The following VPS16 variants were observed in gnomAD, a reference collection of about 807,000 sequenced individuals.
VPS16 encodes vacuolar protein sorting-associated protein 16 homolog.
VPS16 carries 82 observed loss-of-function variants against 116.0 expected under a neutral mutation model. The observed-to-expected ratio is 0.71, with a 90% CI of 0.59 to 0.85. The LOEUF is 0.85. Ranked by LOEUF, VPS16 falls within the 40% of genes least tolerant of loss-of-function variation. The pLI is 0.00. For synonymous variants in VPS16, 406 were observed against 420.7 expected, an observed-to-expected ratio of 0.96 and a Z score of 0.43; for missense variants, 928 against 1,090.6, an observed-to-expected ratio of 0.85 and a Z score of 2.10.
chr20:2,862,973 G>C lies in VPS16; in HGVS notation c.1331+39G>C, dbSNP rs775412396. 1.9e-5 allele frequency: 30 copies of C among 1,613,628 alleles called. No individual in the cohort carries two copies. The South Asian group carries it at 2.9e-4, about 15-fold the overall frequency. On this transcript the variant is annotated intron_variant, in intron 13 of 23. Transcript: ENST00000380445. Reference sequence around the variant, plus strand: ...CGCCAGAAGGGTACCCTACAGCCAGGGGTGGCAGGGGAAGGGGCTGGAGAT... The same window carrying C: ...CGCCAGAAGGGTACCCTACAGCCAGCGGTGGCAGGGGAAGGGGCTGGAGAT...
At chr20:2,862,459 G>A in intron 11 of VPS16, 120 bp from the exon 12 acceptor site, 2 of 1,497,426 alleles carry the variant, frequency 1.3e-6, no homozygotes, top group Non-Finnish European at 1.8e-6. Context: ...GGGAGTTGGG[G>A]CTCCAGCCTG....
chr20:2,843,627 T>C (rs968176195), intron 1 of VPS16, among the ~76,000 whole-genome samples: 7 of 152,232 alleles, frequency 4.6e-5, no homozygotes, highest in Admixed American at 4.6e-4. Flanking sequence ...TTTTAAAATA[T>C]CAACTTTACT....
chr20:2,856,151 G>A (rs2089169652), intron 1 of VPS16, among the ~76,000 whole-genome samples: 1 of 152,108 alleles, frequency 6.6e-6, no homozygotes, highest in Non-Finnish European at 1.5e-5. Flanking sequence ...TTTTTAATTA[G>A]CCTAATTTCT....
Position 2,865,930 on chromosome 20 carries a change from G to A in VPS16, c.2272-282G>A. On this transcript the variant is annotated intron_variant, in intron 22 of 23. Coordinates refer to ENST00000380445, the MANE Select transcript of VPS16 (RefSeq NM_022575.4). This position sits in a 1 kb window ranked among gnomAD's most constrained non-coding sequence, Gnocchi z 5.2. ...GAACACAGGAAATGTGAGGGCTGGT[G>A]GCAGGAACGCCTGTTGCAAGGGGTA... 2.0e-6 allele frequency: 1 copy of A among 505,704 alleles called. No homozygotes were observed. Among genetic ancestry groups the A allele is most frequent in the Middle Eastern group, 5.5e-4 (1 of 1,822 alleles). 31.3% of individuals were successfully genotyped at this position (505,704 alleles called of 1,614,324 possible). A position where few individuals can be genotyped will look rare whatever the true frequency, so the allele number is the denominator to read the frequency against.
chr20:2,843,025 A>C (rs1457699380), intron 1 of VPS16, among the ~76,000 whole-genome samples: 1 of 152,096 alleles, frequency 6.6e-6, no homozygotes, highest in Non-Finnish European at 1.5e-5. Flanking sequence ...TAAAACTTTT[A>C]AATGTAATTT....
Position 2,866,453 on chromosome 20 carries a change from T to C in VPS16, c.2399T>C (p.Val800Ala). Reference protein sequence around the residue: ...LVGDVAQAADVAIEHRNEAEL... With the variant: ...LVGDVAQAADAAIEHRNEAEL... ...AGCGATGTGGCTCAGGCTGCAGATG[T>C]GGCCATCGAACACCGGAATGAGGCT... Residue 800 changes from valine to alanine, a missense_variant, in exon 24 of 24, where the codon GTG becomes GCG. Physicochemically the swap from Val to Ala is moderately conservative, Grantham distance 64. Transcript: ENST00000380445. The C allele has an allele frequency of 6.2e-7, 1 of 1,614,162 alleles. No homozygotes were observed. The highest frequency in any genetic ancestry group is 1.1e-5 in the South Asian group (1 of 91,080).
Position 2,860,591 on chromosome 20 carries a change from C to T in VPS16, c.512C>T (p.Pro171Leu). The part of the protein sequence containing the change: ...DLKLRRMPEV[P>L]GLQSAPSCWT... Reference sequence around the variant, plus strand: ...AAACTCCGCCGGATGCCAGAGGTGCCAGGTAAGCCCTGACACCGCTGAGAT... The same window carrying T: ...AAACTCCGCCGGATGCCAGAGGTGCTAGGTAAGCCCTGACACCGCTGAGAT... Residue 171 changes from proline to leucine, a missense_variant and splice_region_variant, in exon 5 of 24, where the codon CCA becomes CTA. Physicochemically the swap from Pro to Leu is moderately conservative, Grantham distance 98. Coordinates refer to ENST00000380445, the MANE Select transcript of VPS16 (RefSeq NM_022575.4). The surrounding 1 kb of genome is among the most constrained non-coding windows in gnomAD (Gnocchi z 6.1). The T allele has an allele frequency of 6.2e-7, 1 of 1,613,658 alleles. No homozygotes were observed.
chr20:2,862,759 G>GGGGGGGGGGGA, intron 12 of VPS16, 48 bp from the exon 13 acceptor site: 1 of 777,206 alleles, frequency 1.3e-6, no homozygotes, highest in Non-Finnish European at 2.1e-6. Flanking sequence ...GAGGGGGTGG[G>GGGGGGGGGGGA]ATGGGCAGCA....
chr20:2,845,768 A>G (rs928401188), intron 1 of VPS16, among the ~76,000 whole-genome samples: 1 of 151,592 alleles, frequency 6.6e-6, no homozygotes, highest in Non-Finnish European at 1.5e-5. Flanking sequence ...ACAACTCCCC[A>G]TTTCCTCCTC....
rs750792929 is a variant in VPS16 at position 2,864,512 on chromosome 20, G to C, written c.1819-35G>C. The C allele has an allele frequency of 6.2e-7, 1 of 1,613,914 alleles. No individual in the cohort carries two copies. The highest frequency in any genetic ancestry group is 1.3e-5 in the African/African-American group (1 of 74,892). ...GTGTAGCCTTCTGAGCACTTGAGTTGGCCTTGCTGACTGATTGCCTGCCTG... is the reference window on the plus strand; with the variant it reads ...GTGTAGCCTTCTGAGCACTTGAGTTCGCCTTGCTGACTGATTGCCTGCCTG... On this transcript the variant is annotated intron_variant, in intron 18 of 23. Coordinates refer to ENST00000380445, the MANE Select transcript of VPS16 (RefSeq NM_022575.4). This position sits in a 1 kb window ranked among gnomAD's most constrained non-coding sequence, Gnocchi z 5.2.
rs1329527091 is a variant in VPS16 at position 2,864,023 on chromosome 20, C to A, written c.1551C>A (p.Val517=). 6.2e-7 allele frequency: 1 copy of A among 1,614,032 alleles called. No individual in the cohort carries two copies. The highest frequency in any genetic ancestry group is 1.1e-5 in the South Asian group (1 of 91,086). ...INQKLGDTPG[V]SYSDIAARAY... ...AGAAGCTGGGGGACACGCCTGGTGT[C>A]TCTTACTCCGACATTGCTGCACGAG... Residue 517 remains valine, a synonymous_variant, in exon 16 of 24, where the codon GTC becomes GTA. Coordinates refer to ENST00000380445, the MANE Select transcript of VPS16 (RefSeq NM_022575.4). The surrounding 1 kb of genome is among the most constrained non-coding windows in gnomAD (Gnocchi z 5.2).
At chr20:2,850,948 C>T (rs946377438) in intron 1 of VPS16, among the ~76,000 whole-genome samples, 7 of 125,322 alleles carry the variant, frequency 5.6e-5, no homozygotes, top group Admixed American at 3.0e-4. Flanking sequence ...TGTAGCTGGG[C>T]GATAGAGTAA....
intron 1 of VPS16, 122 bp from the exon 2 acceptor site, chr20:2,859,597 G>A (rs1221203466): frequency 8.0e-6 from 9 of 1,127,978 alleles, no homozygotes; most frequent in Non-Finnish European, 1.1e-5. Flanking sequence ...TGGGGGTAGA[G>A]AGTGGAGACT....
At chr20:2,861,365 T>G (rs2089226063) in intron 8 of VPS16, 85 bp downstream of exon 8, 2 of 1,591,754 alleles carry the variant, frequency 1.3e-6, no homozygotes. Flanking sequence ...TCGTCATGTC[T>G]ACTGGCCAAG....
rs745311899 is a variant in VPS16 at position 2,864,178 on chromosome 20, G to A, written c.1612-1G>A. On this transcript the variant is annotated splice_acceptor_variant, in intron 16 of 23. Transcript: ENST00000380445. LOFTEE classifies it high-confidence loss of function. This position sits in a 1 kb window ranked among gnomAD's most constrained non-coding sequence, Gnocchi z 5.2. The stretch of plus-strand genomic sequence containing the variant: ...TCTGTGCCTTCCTTCTCACCTCACA[G>A]CTGCTGGAGTATGAGCCACGCTCAG... 2.5e-6 allele frequency: 4 copies of A among 1,614,222 alleles called. No individual in the cohort carries two copies. The highest frequency in any genetic ancestry group is 2.5e-6 in the Non-Finnish European group (3 of 1,180,022).
intron 11 of VPS16, 193 bp downstream of exon 11, chr20:2,862,323 G>A (rs2146668808): frequency 3.1e-6 from 3 of 968,690 alleles, no homozygotes; most frequent in Non-Finnish European, 3.0e-6. Context: ...GACGGGCAGA[G>A]CATCCCCACT....
chr20:2,851,235 ACT>A (rs2089117545), intron 1 of VPS16, among the ~76,000 whole-genome samples: 2 of 152,192 alleles, frequency 1.3e-5, no homozygotes, highest in South Asian at 4.2e-4. Context: ...GCAAGCTGCA[ACT>A]CTCAGCCTGG....
intron 1 of VPS16, among the ~76,000 whole-genome samples, chr20:2,850,963 G>GTC (rs2089113212): frequency 6.4e-5 from 6 of 93,618 alleles, no homozygotes; most frequent in African/African-American, 4.2e-4. Context: ...GAGTAAGACT[G>GTC]TCAAAAAAAA....
chr20:2,865,325 A>G lies in VPS16; in HGVS notation c.2174+8A>G, dbSNP rs1423657573. Reference sequence around the variant, plus strand: ...CCGCATCCCTGACAAGAGGTAGGTGAGGGCCCAGGCTGCATGTGGGTCCCA... The same window carrying G: ...CCGCATCCCTGACAAGAGGTAGGTGGGGGCCCAGGCTGCATGTGGGTCCCA... On this transcript the variant is annotated splice_region_variant and intron_variant, in intron 21 of 23. Transcript: ENST00000380445. This position sits in a 1 kb window ranked among gnomAD's most constrained non-coding sequence, Gnocchi z 5.2. 5 of 1,614,134 alleles carry G rather than the reference A, an allele frequency of 3.1e-6. No individual in the cohort carries two copies.
Sources: allele counts gnomAD v4.1 joint callset (sites outside exome capture counted in the v4.1 genomes callset), GRCh38; gene constraint gnomAD v4.1.1; non-coding constraint Gnocchi (gnomAD v3.1); transcripts MANE v1.5; gene names NCBI Gene and HGNC (gene_info 2026-07-23, HGNC 2026-07-21).